MICAL2: variants seen among roughly 807,000 people sequenced by gnomAD.
MICAL2 encodes the protein [F-actin]-monooxygenase MICAL2.
In MICAL2, 77 loss-of-function variants were observed where a neutral mutation model predicts 127.3. That is an observed-to-expected ratio of 0.60 (90% CI 0.50 to 0.73). MICAL2 has a LOEUF of 0.73. MICAL2 is among the 30% of genes least tolerant of loss of function. MICAL2 has a pLI of 0.00. For synonymous variants in MICAL2, 570 were observed against 551.1 expected (o/e 1.03, Z -0.48); for missense variants, 1,351 against 1,434.4 (o/e 0.94, Z 0.94).
At chr11:12,181,942 C>T (rs916289756) in intron 3 of MICAL2, among the ~76,000 whole-genome samples, 5 of 152,226 alleles carry the variant, frequency 3.3e-5, no homozygotes, top group East Asian at 1.9e-4. Context: ...TACAGGGACA[C>T]TGTAGGCAAC....
intron 24 of MICAL2, among the ~76,000 whole-genome samples, chr11:12,257,724 A>G (rs1408367403): frequency 6.6e-6 from 1 of 152,174 alleles, no homozygotes; most frequent in Non-Finnish European, 1.5e-5. Flanking sequence ...GAGTTAATTC[A>G]TGTGAAGCTC....
chr11:12,261,419 T>A lies in MICAL2; in HGVS notation c.3335-1061T>A, dbSNP rs148570478. ...AAAAATGAGCATGCAGGTCCACCTG[T>A]GTTCTTACTCTGGGTATCTAGAAGA... On this transcript the variant is annotated intron_variant, in intron 26 of 27. Coordinates refer to ENST00000683283, the MANE Select transcript of MICAL2 (RefSeq NM_001282663.2). The A allele has an allele frequency of 1.0e-3, 1,022 of 985,484 alleles. 8 individuals carry two copies. In the African/African-American group the frequency reaches 0.017, roughly 16 times the overall value. The allele number at this position is 985,484 out of a possible 1,614,324, so 61.0% of individuals were successfully genotyped here. A position where few individuals can be genotyped will look rare whatever the true frequency, so the allele number is the denominator to read the frequency against.
intron 5 of MICAL2, chr11:12,208,354 A>T (rs1033008597): frequency 2.1e-6 from 1 of 479,466 alleles, no homozygotes; most frequent in Non-Finnish European, 3.7e-6. Flanking sequence ...AAGCCATTAA[A>T]CCTGTAATTT....
At chr11:12,202,087 A>C (rs1286152393) in intron 3 of MICAL2, among the ~76,000 whole-genome samples, 3 of 151,390 alleles carry the variant, frequency 2.0e-5, no homozygotes, top group Non-Finnish European at 4.4e-5. Context: ...ACGCCATTGC[A>C]CTCCAGCCTG....
intron 16 of MICAL2, 140 bp downstream of exon 16, chr11:12,236,385 A>T (rs1814314949): frequency 1.3e-6 from 1 of 741,434 alleles, no homozygotes; most frequent in Non-Finnish European, 2.3e-6. Context: ...GGCGTGATGG[A>T]AAAACAGTTG....
intron 33 of MICAL2, among the ~76,000 whole-genome samples, chr11:12,353,991 A>G (rs1273759115): frequency 6.6e-6 from 1 of 152,192 alleles, no homozygotes; most frequent in African/African-American, 2.4e-5. Flanking sequence ...TCCCGGGCCT[A>G]TGCTAGTCAT....
chr11:12,228,716 C>A (rs770323476), intron 15 of MICAL2, among the ~76,000 whole-genome samples: 4 of 152,132 alleles, frequency 2.6e-5, no homozygotes, highest in Non-Finnish European at 5.9e-5. Context: ...ACGGGATGGG[C>A]CCTGGAGACC....
downstream of MICAL2, chr11:12,294,116 C>T (rs1262110322): frequency 3.7e-6 from 6 of 1,613,994 alleles, no homozygotes; most frequent in African/African-American, 5.3e-5. Flanking sequence ...ACCAGTCCGC[C>T]CCCTGCTGCT....
At chr11:12,296,061 A>G (rs1322575169), downstream of MICAL2, among the ~76,000 whole-genome samples, 2 of 152,058 alleles carry the variant, frequency 1.3e-5, no homozygotes, top group East Asian at 3.9e-4. Context: ...ATCCAACAAT[A>G]TGGAAATATC....
intron 3 of MICAL2, among the ~76,000 whole-genome samples, chr11:12,192,921 C>T (rs1264309989): frequency 1.3e-5 from 2 of 152,216 alleles, no homozygotes; most frequent in African/African-American, 2.4e-5. Context: ...ATCCCCATAA[C>T]AACCCTGCCT....
At chr11:12,148,490 G>A (rs191535218) in intron 2 of MICAL2, among the ~76,000 whole-genome samples, 1 of 152,276 alleles carries the variant, frequency 6.6e-6, no homozygotes, top group African/African-American at 2.4e-5. Flanking sequence ...TTGGGAAGGG[G>A]GAGATCAGTG....
At chr11:12,150,440 A>C (rs1431999537) in intron 2 of MICAL2, among the ~76,000 whole-genome samples, 1 of 151,960 alleles carries the variant, frequency 6.6e-6, no homozygotes, top group Non-Finnish European at 1.5e-5. Context: ...AAAAAAACAA[A>C]CAAAAACAAA....
intron 6 of MICAL2, among the ~76,000 whole-genome samples, chr11:12,210,141 TCAAGGTA>T (rs1383029248): frequency 6.6e-6 from 1 of 152,154 alleles, no homozygotes; most frequent in African/African-American, 2.4e-5. Context: ...TGCCAAACTG[TCAAGGTA>T]CAAAGGCCAC....
In MICAL2 at chr11:12,244,033, C is replaced by G; in HGVS notation, c.2705C>G (p.Pro902Arg). ...KGLSHTHPPS[P>R]PSRLPSPDPA... Reference sequence around the variant, plus strand: ...CTGTCTCATACTCATCCTCCATCTCCTCCCTCTCGCCTTCCGTCTCCTGAT... The same window carrying G: ...CTGTCTCATACTCATCCTCCATCTCGTCCCTCTCGCCTTCCGTCTCCTGAT... The change falls in exon 21 of 28, where the codon CCT (proline) becomes CGT (arginine). Residue 902 changes from proline to arginine, a missense_variant. This residue lies in a region of MICAL2 where 752 missense variants were observed against 719.4 expected (regional missense o/e 1.05). Transcript: ENST00000683283. The G allele has an allele frequency of 6.2e-7, 1 of 1,613,918 alleles. No homozygotes were observed. The highest frequency in any genetic ancestry group is 2.2e-5 in the East Asian group (1 of 44,886).
rs1864268669 is a variant in MICAL2 at position 12,319,580 on chromosome 11, G to A, written c.5213-116G>A. The A allele has an allele frequency of 5.5e-6, 4 of 731,848 alleles. No individual in the cohort carries two copies. In the East Asian group the frequency reaches 7.9e-5, roughly 14 times the overall value. 45.3% of individuals were successfully genotyped at this position (731,848 alleles called of 1,614,324 possible). On this transcript the variant is annotated intron_variant, in intron 29 of 34. Coordinates refer to the MICAL2 transcript ENST00000646065. ...TCATGCTCACGGCAGGTGCAGTGAGGGGAGGGCAGGGAGGAAGGGAATGAG... is the reference window on the plus strand; with the variant it reads ...TCATGCTCACGGCAGGTGCAGTGAGAGGAGGGCAGGGAGGAAGGGAATGAG...
intron 2 of MICAL2, among the ~76,000 whole-genome samples, chr11:12,283,855 T>C (rs1315333487): frequency 1.3e-5 from 2 of 152,234 alleles, no homozygotes; most frequent in African/African-American, 2.4e-5. Flanking sequence ...CCCTATGTTA[T>C]GGAGGCTGCA....
chr11:12,298,479 A>T (rs1177593123), intron 29 of MICAL2, among the ~76,000 whole-genome samples: 1 of 152,134 alleles, frequency 6.6e-6, no homozygotes, highest in African/African-American at 2.4e-5. Context: ...CCTCTGATTT[A>T]TCTTGTCTCC....
intron 29 of MICAL2, among the ~76,000 whole-genome samples, chr11:12,306,325 C>G (rs1274170316): frequency 6.6e-6 from 1 of 151,926 alleles, no homozygotes; most frequent in East Asian, 1.9e-4. Context: ...CTTGTGGTTG[C>G]ATTATTCTTC....
intron 29 of MICAL2, among the ~76,000 whole-genome samples, chr11:12,313,958 C>G (rs946905383): frequency 2.7e-5 from 1 of 36,424 alleles, no homozygotes; most frequent in Non-Finnish European, 6.2e-5. Flanking sequence ...ATGTCTTGGT[C>G]TGATTTTTTT....
Sources: gnomAD v4.1 joint callset for allele counts (sites outside exome capture counted in the v4.1 genomes callset) on GRCh38, gnomAD v4.1.1 for gene constraint, gnomAD v4.1.1 regional missense constraint, MANE v1.5 for transcripts, NCBI Gene and HGNC (gene_info 2026-07-23, HGNC 2026-07-21) for gene names.